The following RAP1GAP2 variants were observed in gnomAD, a reference collection of about 807,000 sequenced individuals.
RAP1GAP2 encodes the protein RAP1 GTPase activating protein 2.
In RAP1GAP2, 27 loss-of-function variants were observed where a neutral mutation model predicts 95.0. The ratio of observed to expected loss-of-function variants is 0.28; its 90% CI spans 0.21 to 0.39. The LOEUF (loss-of-function observed/expected upper bound fraction) is 0.39, where lower values mean the gene tolerates loss of function less well. Among genes scored for constraint, RAP1GAP2 ranks in the 10% least tolerant of loss-of-function variants. RAP1GAP2 has a pLI of 1.00. For synonymous variants in RAP1GAP2, 373 were observed against 380.9 expected (o/e 0.98, Z 0.24); for missense variants, 771 against 970.0 (o/e 0.79, Z 2.72).
At chr17:2,936,754 G>A (rs1037092220) in intron 3 of RAP1GAP2, among the ~76,000 whole-genome samples, 1 of 152,122 alleles carries the variant, frequency 6.6e-6, no homozygotes, top group African/African-American at 2.4e-5. Context: ...CCAAAACAGA[G>A]GGAATAACTC....
intron 3 of RAP1GAP2, among the ~76,000 whole-genome samples, chr17:2,937,990 T>C (rs188559326): frequency 6.6e-6 from 1 of 152,260 alleles, no homozygotes; most frequent in African/African-American, 2.4e-5. Context: ...AGGATAGGGC[T>C]GTGCTGGAGA....
At chr17:2,905,457 C>A in intron 3 of RAP1GAP2, 89 bp downstream of exon 3, 2 of 1,336,488 alleles carry the variant, frequency 1.5e-6, no homozygotes, top group Non-Finnish European at 1.0e-6. Context: ...GGCCCAGCAG[C>A]GTCCGTCGCA....
At position 2,797,124 on chromosome 17, in the gene RAP1GAP2, G is replaced by A. The variant is rs1220190674; in HGVS notation, c.44+553G>A. Among the ~76,000 whole-genome samples the A allele has an allele frequency of 6.6e-6, 1 of 152,076 alleles. No individual in the cohort carries two copies. The highest frequency in any genetic ancestry group is 1.5e-5 in the Non-Finnish European group (1 of 68,002). On this transcript the variant is annotated intron_variant, in intron 1 of 24. Coordinates refer to ENST00000254695, the MANE Select transcript of RAP1GAP2 (RefSeq NM_015085.5). This position sits in a 1 kb window ranked among gnomAD's most constrained non-coding sequence, Gnocchi z 5.6. ...GTTGTTGTGGCCTTGTGGCAGGGGA[G>A]TCTGTACCTGCTGGACCTCTGGGCT...
chr17:2,914,940 C>T (rs1317815961), intron 3 of RAP1GAP2, among the ~76,000 whole-genome samples: 10 of 149,918 alleles, frequency 6.7e-5, no homozygotes, highest in East Asian at 4.0e-4. Context: ...TACAGGTGCC[C>T]GCCACCACGC....
At chr17:2,929,634 G>A (rs970635529) in intron 3 of RAP1GAP2, among the ~76,000 whole-genome samples, 3 of 152,152 alleles carry the variant, frequency 2.0e-5, no homozygotes, top group Admixed American at 6.5e-5. Flanking sequence ...GCCCTCTTCC[G>A]TTGCTTAGGC....
At chr17:2,892,785 C>T (rs2073765611) in intron 2 of RAP1GAP2, among the ~76,000 whole-genome samples, 1 of 152,118 alleles carries the variant, frequency 6.6e-6, no homozygotes, top group African/African-American at 2.4e-5. Context: ...TTGGTCAAGA[C>T]TGAGTCACAG....
At chr17:2,932,178 C>A (rs1005396016) in intron 3 of RAP1GAP2, among the ~76,000 whole-genome samples, 1 of 152,134 alleles carries the variant, frequency 6.6e-6, no homozygotes, top group Non-Finnish European at 1.5e-5. Flanking sequence ...TGCTGCTTCC[C>A]AGCAGTGCTG....
chr17:2,905,070 A>C (rs2042155830), intron 2 of RAP1GAP2, among the ~76,000 whole-genome samples: 1 of 152,064 alleles, frequency 6.6e-6, no homozygotes, highest in African/African-American at 2.4e-5. Context: ...TTTAGTAGAG[A>C]TGGGGTTTCA....
intron 8 of RAP1GAP2, among the ~76,000 whole-genome samples, chr17:2,966,472 T>C (rs192855317): frequency 5.3e-5 from 8 of 152,350 alleles, no homozygotes; most frequent in East Asian, 3.9e-4. Flanking sequence ...TGGAGTCTAA[T>C]TGAAGATTCA....
intron 2 of RAP1GAP2, among the ~76,000 whole-genome samples, chr17:2,801,191 T>C (rs546157843): frequency 1.3e-4 from 20 of 150,236 alleles, no homozygotes; most frequent in African/African-American, 4.6e-4. Context: ...AGATATATAT[T>C]GGGCTGGGCA....
At chr17:2,768,580 T>G (rs2068320874) in intron 1 of RAP1GAP2, among the ~76,000 whole-genome samples, 1 of 150,552 alleles carries the variant, frequency 6.6e-6, no homozygotes, top group Non-Finnish European at 1.5e-5. Context: ...TAATTCCAGC[T>G]ACTCAGGAGA....
intron 2 of RAP1GAP2, among the ~76,000 whole-genome samples, chr17:2,872,089 C>T (rs2072869695): frequency 6.6e-6 from 1 of 151,806 alleles, no homozygotes; most frequent in African/African-American, 2.4e-5. Context: ...TGATGCACGC[C>T]TGTAATCCCA....
rs761145132 is a variant in RAP1GAP2, at chr17:2,857,126, G to A, written c.81-48158G>A. 7.2e-5 allele frequency among the ~76,000 whole-genome samples: 11 copies of A among 152,186 alleles called. No homozygotes were observed. The highest frequency in any genetic ancestry group is 1.0e-4 in the Non-Finnish European group (7 of 68,034). On this transcript the variant is annotated intron_variant, in intron 2 of 24. Transcript: ENST00000254695. This position sits in a 1 kb window ranked among gnomAD's most constrained non-coding sequence, Gnocchi z 4.0. ...CTTCCACCACCTCTCATCACAAGGT[G>A]GGGTCAGGCTCAGGCCCCTTCTTCT...
At chr17:3,024,515 C>T (rs1448885463) in intron 19 of RAP1GAP2, among the ~76,000 whole-genome samples, 1 of 152,106 alleles carries the variant, frequency 6.6e-6, no homozygotes, top group Non-Finnish European at 1.5e-5. Flanking sequence ...CATAGAGTTA[C>T]CATATGACCA....
At chr17:2,925,633 A>G (rs2042930907) in intron 3 of RAP1GAP2, among the ~76,000 whole-genome samples, 1 of 152,146 alleles carries the variant, frequency 6.6e-6, no homozygotes, top group Non-Finnish European at 1.5e-5. Context: ...TCCTTGGATG[A>G]TGCTCTCCCT....
intron 2 of RAP1GAP2, chr17:2,853,837 C>A (rs1367124620): frequency 7.6e-5 from 60 of 791,094 alleles, no homozygotes; most frequent in Non-Finnish European, 8.5e-5. Context: ...GGAGAGCGCG[C>A]GGTCACCTGA....
intron 2 of RAP1GAP2, among the ~76,000 whole-genome samples, chr17:2,803,783 G>T (rs2069399922): frequency 1.3e-5 from 2 of 152,216 alleles, no homozygotes. Flanking sequence ...GGAGGCTGAG[G>T]CAGGAGAGTC....
At chr17:2,942,998 A>T (rs773160700) in intron 3 of RAP1GAP2, among the ~76,000 whole-genome samples, 18 of 151,954 alleles carry the variant, frequency 1.2e-4, no homozygotes, top group African/African-American at 3.9e-4. Flanking sequence ...TGAACTCCTG[A>T]CCTCAAGTGA....
intron 8 of RAP1GAP2, among the ~76,000 whole-genome samples, chr17:2,975,467 C>G (rs1217295214): frequency 6.6e-6 from 1 of 152,160 alleles, no homozygotes; most frequent in Non-Finnish European, 1.5e-5. Context: ...ATAGTAATAT[C>G]AGACAAAATA....
Sources: gnomAD v4.1 joint callset for allele counts (sites outside exome capture counted in the v4.1 genomes callset) on GRCh38, gnomAD v4.1.1 for gene constraint, Gnocchi (gnomAD v3.1) non-coding constraint, MANE v1.5 for transcripts, NCBI Gene and HGNC (gene_info 2026-07-23, HGNC 2026-07-21) for gene names.